The following ZNF81 variants were observed in gnomAD, a reference collection of about 807,000 sequenced individuals.
ZNF81 encodes the protein zinc finger protein 81, also known as zinc finger protein 81 (HFZ20).
ZNF81 carries 5 observed loss-of-function variants against 32.3 expected under a neutral mutation model. The observed-to-expected ratio is 0.15, with a 90% CI of 0.08 to 0.33. The LOEUF (loss-of-function observed/expected upper bound fraction) is 0.33. Among genes scored for constraint, ZNF81 ranks in the 10% least tolerant of loss-of-function variants. The probability of loss-of-function intolerance (pLI) is 1.00; values close to 1 mark genes in which losing one functional copy is unlikely to be tolerated. For missense variants in ZNF81, 379 were observed against 479.8 expected (o/e 0.79, Z 1.96); for synonymous variants, 163 against 166.8 (o/e 0.98, Z 0.17).
intron 1 of ZNF81, among the ~76,000 whole-genome samples, chrX:47,840,806 C>T (rs1344200069): frequency 9.8e-5 from 11 of 112,369 alleles, no homozygotes; most frequent in African/African-American, 2.9e-4. Context: ...CCGCGCCCGG[C>T]GAGCTACTGT....
intron 1 of ZNF81, chrX:47,840,973 T>C (rs2058446851): frequency 1.6e-6 from 1 of 621,582 alleles, no homozygotes; most frequent in African/African-American, 2.2e-5. Flanking sequence ...CTAGTTCAGC[T>C]GGTGGATGAG....
intron 4 of ZNF81, among the ~76,000 whole-genome samples, chrX:47,904,339 C>G (rs1444192381): frequency 9.5e-6 from 1 of 105,584 alleles, no homozygotes; most frequent in African/African-American, 3.4e-5. Flanking sequence ...TATCCAGAAT[C>G]TACAATGAAC....
chrX:47,875,955 T>C (rs1161155013), intron 2 of ZNF81, among the ~76,000 whole-genome samples: 1 of 112,048 alleles, frequency 8.9e-6, no homozygotes, highest in Non-Finnish European at 1.9e-5. Flanking sequence ...TATACATTCT[T>C]TTATAGTTCA....
intron 2 of ZNF81, among the ~76,000 whole-genome samples, chrX:47,863,522 C>T (rs140450984): frequency 2.3e-3 from 254 of 112,297 alleles, no homozygotes; most frequent in Middle Eastern, 9.3e-3. Context: ...GTAATCCCTG[C>T]CATCTACCTG....
At chrX:47,863,495 A>C (rs2058549166) in intron 2 of ZNF81, among the ~76,000 whole-genome samples, 1 of 112,222 alleles carries the variant, frequency 8.9e-6, no homozygotes, top group South Asian at 3.7e-4. Flanking sequence ...GTAAGATTAT[A>C]CACAGGAGAA....
chrX:47,878,385 TC>T (rs1402097697), intron 2 of ZNF81, among the ~76,000 whole-genome samples: 1 of 111,828 alleles, frequency 8.9e-6, no homozygotes, highest in Admixed American at 9.4e-5. Context: ...AAGCAAGTCT[TC>T]CCATTTACTT....
chrX:47,873,511 G>T (rs1243250529), intron 2 of ZNF81, among the ~76,000 whole-genome samples: 1 of 111,260 alleles, frequency 9.0e-6, no homozygotes, highest in Non-Finnish European at 1.9e-5. Flanking sequence ...GCATCCTCTG[G>T]GGTCTCTATA....
At chrX:47,866,361 A>G (rs1199773131) in intron 2 of ZNF81, among the ~76,000 whole-genome samples, 1 of 112,099 alleles carries the variant, frequency 8.9e-6, no homozygotes, top group Non-Finnish European at 1.9e-5. Context: ...GAGTTTTATT[A>G]TTGAATATGC....
chrX:47,888,351 T>G, intron 3 of ZNF81: 1 of 451,292 alleles, frequency 2.2e-6, no homozygotes, highest in Non-Finnish European at 3.8e-6. Flanking sequence ...CACAGACACA[T>G]ATACACATAC....
Position 47,919,506 on chromosome X carries a change from G to A in ZNF81, c.*2874G>A, listed in dbSNP as rs889335960. On this transcript the variant is annotated 3_prime_UTR_variant, in exon 5 of 5. Coordinates refer to ENST00000338637, the MANE Select transcript of ZNF81 (RefSeq NM_007137.5). ...CTTTACCCTTTGTCTTAGTCAGTTT[G>A]AGCTGCTATAATAAAGCACCATAGA... 63 of 157,810 alleles carry A rather than the reference G, an allele frequency of 4.0e-4. No homozygotes were observed. The highest frequency in any genetic ancestry group is 1.9e-3 in the African/African-American group (60 of 31,621). The allele number at this position is 157,810 out of a possible 1,213,427, so 13.0% of individuals were successfully genotyped here. A position where few individuals can be genotyped will look rare whatever the true frequency, so the allele number is the denominator to read the frequency against.
chrX:47,908,740 C>G (rs184431718), intron 4 of ZNF81, among the ~76,000 whole-genome samples: 35 of 111,857 alleles, frequency 3.1e-4, no homozygotes, highest in Non-Finnish European at 1.1e-4. Flanking sequence ...TTGGGCGAAC[C>G]TCAAAAAATT....
chrX:47,902,246 A>AAT (rs782107148), intron 4 of ZNF81, among the ~76,000 whole-genome samples: 1,126 of 111,183 alleles, frequency 0.01, 20 homozygotes, highest in African/African-American at 0.035. Flanking sequence ...ATTCAACAGG[A>AAT]ATATATATAT....
chrX:47,846,002 A>G, intron 1 of ZNF81, 103 bp from the exon 2 acceptor site: 3 of 428,661 alleles, frequency 7.0e-6, no homozygotes, highest in South Asian at 3.0e-5. Flanking sequence ...GACTTTATCT[A>G]CTTCACAGTA....
chrX:47,901,764 CG>C lies in ZNF81; in HGVS notation c.277+5833del, dbSNP rs201090164. 4.4e-3 allele frequency among the ~76,000 whole-genome samples: 314 copies of C among 71,334 alleles called. 1 individual carries two copies. Among genetic ancestry groups the C allele is most frequent in the Non-Finnish European group, 4.1e-3 (147 of 36,042 alleles). 61.9% of individuals were successfully genotyped at this position (71,334 alleles called of 115,157 possible). ...AGAGATTGGTCTTTAGTTTTGTGGGCGGGGGGGGGTTCCCTTATAATATCTT... is the reference window on the plus strand; with the variant it reads ...AGAGATTGGTCTTTAGTTTTGTGGGCGGGGGGGGTTCCCTTATAATATCTT... On this transcript the variant is annotated intron_variant, in intron 4 of 4. Coordinates refer to ENST00000338637, the MANE Select transcript of ZNF81 (RefSeq NM_007137.5).
At chrX:47,903,730 C>CA (rs1401510336) in intron 4 of ZNF81, among the ~76,000 whole-genome samples, 26 of 97,411 alleles carry the variant, frequency 2.7e-4, no homozygotes, top group African/African-American at 9.6e-4. Flanking sequence ...CATATGGAAC[C>CA]AAAAAAGAGC....
rs781975802 is a variant in ZNF81, at chrX:47,882,726, C to T, written c.55-5273C>T. On this transcript the variant is annotated intron_variant, in intron 2 of 4. Transcript: ENST00000338637. ...TCAAACAAGGTCTGGCACAGTGGCT[C>T]AGGCCTGTAATCCCAATACTTTGGG... is the stretch of plus-strand genomic sequence containing the variant. Among the ~76,000 whole-genome samples the T allele has an allele frequency of 6.2e-5, 7 of 113,195 alleles. No homozygotes were observed. The South Asian group carries it at 1.8e-3, about 29-fold the overall frequency.
At chrX:47,887,933 C>T (rs1198237824) in intron 2 of ZNF81, 66 bp from the exon 3 acceptor site, 5 of 1,193,512 alleles carry the variant, frequency 4.2e-6, no homozygotes, top group Non-Finnish European at 5.7e-6. Context: ...AAAGAGCTTC[C>T]TATCTGTTTT....
rs1276486877 is a variant in ZNF81 at position 47,925,087 on chromosome X, T to A, written c.*8455T>A. On this transcript the variant is annotated 3_prime_UTR_variant, in exon 5 of 5. Coordinates refer to ENST00000338637, the MANE Select transcript of ZNF81 (RefSeq NM_007137.5). ...TGGAATATCATTATCAATCTAATTC[T>A]ATGATATATCCAGTCCATTTCCAAA... 5.4e-5 allele frequency among the ~76,000 whole-genome samples: 6 copies of A among 111,720 alleles called. No individual in the cohort carries two copies. The highest frequency in any genetic ancestry group is 1.6e-4 in the African/African-American group (5 of 30,782).
At chrX:47,852,093 T>G (rs1269202782) in intron 2 of ZNF81, among the ~76,000 whole-genome samples, 4 of 112,989 alleles carry the variant, frequency 3.5e-5, no homozygotes, top group Non-Finnish European at 7.5e-5. Flanking sequence ...ACATAAAAGT[T>G]ATGTTTATAG....
Sources: allele counts gnomAD v4.1 joint callset (sites outside exome capture counted in the v4.1 genomes callset), GRCh38; gene constraint gnomAD v4.1.1; transcripts MANE v1.5; gene names NCBI Gene and HGNC (gene_info 2026-07-23, HGNC 2026-07-21).